NF2: variants seen among roughly 807,000 people sequenced by gnomAD.
NF2 encodes the protein NF2, moesin-ezrin-radixin like (MERLIN) tumor suppressor.
Under a neutral mutation model 83.7 loss-of-function variants are expected in NF2, and 8 were observed. The observed-to-expected ratio is 0.10, with a 90% CI of 0.06 to 0.17. The LOEUF (loss-of-function observed/expected upper bound fraction) is 0.17, where lower values mean the gene tolerates loss of function less well. NF2 is among the 10% of genes least tolerant of loss of function. The pLI is 1.00. For missense variants in NF2, 533 were observed against 744.4 expected (o/e 0.72, Z 3.31); for synonymous variants, 266 against 269.6 (o/e 0.99, Z 0.13).
chr22:29,648,256 T>C (rs1026920449), intron 4 of NF2, among the ~76,000 whole-genome samples: 2 of 151,604 alleles, frequency 1.3e-5, no homozygotes, highest in African/African-American at 4.8e-5. Context: ...AAATCTTAAG[T>C]TGATAAAAAG....
chr22:29,664,958 G>T, intron 8 of NF2, 32 bp from the exon 9 acceptor site: 2 of 1,508,822 alleles, frequency 1.3e-6, no homozygotes, highest in South Asian at 2.3e-5. Flanking sequence ...CAGGCTGTCG[G>T]ACTGAAACTG....
intron 1 of NF2, among the ~76,000 whole-genome samples, chr22:29,632,050 G>T (rs759599228): frequency 6.6e-6 from 1 of 152,224 alleles, no homozygotes. Context: ...TTGGGAGAAT[G>T]GAGAAAATGG....
At chr22:29,668,576 G>C (rs1024422125) in intron 10 of NF2, 130 bp downstream of exon 10, 6 of 711,996 alleles carry the variant, frequency 8.4e-6, no homozygotes, top group African/African-American at 3.5e-5. Context: ...TATACCTTTT[G>C]GATCTTCATT....
chr22:29,629,341 A>G (rs2065449916), intron 1 of NF2, among the ~76,000 whole-genome samples: 1 of 152,214 alleles, frequency 6.6e-6, no homozygotes, highest in African/African-American at 2.4e-5. Flanking sequence ...CTTACTGTAC[A>G]GTAAAATTAC....
chr22:29,628,627 C>CTTTT (rs5844863), intron 1 of NF2, among the ~76,000 whole-genome samples: 13 of 69,212 alleles, frequency 1.9e-4, no homozygotes, highest in African/African-American at 5.0e-4. Context: ...TTTGTGACAT[C>CTTTT]TTTTTTTTTT....
intron 1 of NF2, chr22:29,608,834 A>G (rs1601526245): frequency 7.9e-6 from 3 of 381,626 alleles, no homozygotes; most frequent in South Asian, 7.6e-5. Context: ...GACCTATAAC[A>G]AGTAAAGATA....
At chr22:29,654,555 T>C in intron 4 of NF2, 102 bp from the exon 5 acceptor site, 1 of 946,588 alleles carries the variant, frequency 1.1e-6, no homozygotes, top group Non-Finnish European at 1.7e-6. Context: ...GGAATTGAAT[T>C]GCTCCCTGGA....
intron 1 of NF2, among the ~76,000 whole-genome samples, chr22:29,613,183 A>G (rs1021440537): frequency 6.6e-6 from 1 of 152,184 alleles, no homozygotes; most frequent in Non-Finnish European, 1.5e-5. Context: ...GAAAAAGAAC[A>G]AAGCAGAAAG....
intron 1 of NF2, among the ~76,000 whole-genome samples, chr22:29,608,702 A>G (rs982649933): frequency 6.6e-6 from 1 of 151,902 alleles, no homozygotes; most frequent in Non-Finnish European, 1.5e-5. Context: ...TGTGAAACAC[A>G]TACAAAAAAA....
intron 2 of NF2, among the ~76,000 whole-genome samples, chr22:29,638,678 TA>T (rs1231099609): frequency 2.6e-5 from 4 of 152,106 alleles, no homozygotes; most frequent in Non-Finnish European, 5.9e-5. Context: ...ATCACGGACC[TA>T]AATATTGGCA....
At chr22:29,674,607 C>T (rs1206915434) in intron 12 of NF2, among the ~76,000 whole-genome samples, 1 of 152,220 alleles carries the variant, frequency 6.6e-6, no homozygotes, top group Non-Finnish European at 1.5e-5. Context: ...CACCAGTTTT[C>T]CTGCTCTTCC....
At chr22:29,644,318 C>A (rs1388686326) in intron 4 of NF2, among the ~76,000 whole-genome samples, 2 of 136,024 alleles carry the variant, frequency 1.5e-5, no homozygotes, top group East Asian at 2.2e-4. Context: ...ACATCCCAGA[C>A]GATGGGCGGC....
At position 29,674,976 on chromosome 22, in the gene NF2, G is replaced by T. The variant is rs1370078331; in HGVS notation, c.1446+35G>T. 2.0e-6 allele frequency: 3 copies of T among 1,525,508 alleles called. No homozygotes were observed. The Admixed American group carries it at 5.9e-5, about 30-fold the overall frequency. The allele number at this position is 1,525,508 out of a possible 1,614,324, so 94.5% of individuals were successfully genotyped here. ...GGGGCCACCAGCTGGGGCTGCCTTA[G>T]TCCTGGTGATGTTCTCTTTCCTCCC... On this transcript the variant is annotated intron_variant, in intron 13 of 15. Transcript: ENST00000338641.
intron 15 of NF2, among the ~76,000 whole-genome samples, chr22:29,693,456 T>C (rs2067459150): frequency 6.6e-6 from 1 of 152,232 alleles, no homozygotes; most frequent in African/African-American, 2.4e-5. Flanking sequence ...GCTGTCTGTC[T>C]TCTGATGGTG....
intron 14 of NF2, 107 bp downstream of exon 14, chr22:29,678,430 T>G: frequency 7.4e-7 from 1 of 1,344,122 alleles, no homozygotes; most frequent in Non-Finnish European, 1.1e-6. Context: ...CAGCCTGTCA[T>G]TACTCCTGCA....
chr22:29,628,220 A>G (rs2065419000), intron 1 of NF2, among the ~76,000 whole-genome samples: 1 of 151,336 alleles, frequency 6.6e-6, no homozygotes. Flanking sequence ...TGATCTGCAG[A>G]ACTGGAGGAA....
intron 1 of NF2, among the ~76,000 whole-genome samples, chr22:29,626,153 C>CTTTT (rs34704204): frequency 1.6e-5 from 2 of 128,238 alleles, no homozygotes; most frequent in African/African-American, 2.8e-5. Context: ...CATCTGCAGA[C>CTTTT]TTTTTTTTTT....
Position 29,630,959 on chromosome 22 carries a change from T to G in NF2, c.115-5792T>G, listed in dbSNP as rs1040470770. Among the ~76,000 whole-genome samples, 31 of 152,290 alleles carry G rather than the reference T, an allele frequency of 2.0e-4. 1 individual carries two copies. Among genetic ancestry groups the G allele is most frequent in the East Asian group, 1.7e-3 (9 of 5,182 alleles). ...ATCAGTTATCCAAAAAGAACATTTT[T>G]TAACCAGAAAATAAACATGAGACTC... On this transcript the variant is annotated intron_variant, in intron 1 of 15. Transcript: ENST00000338641.
chr22:29,658,580 A>AAC (rs2066383262), intron 7 of NF2, among the ~76,000 whole-genome samples: 1 of 151,940 alleles, frequency 6.6e-6, no homozygotes, highest in Admixed American at 6.6e-5. Context: ...GTCCACAGGG[A>AAC]GCACTTGTAA....
Sources: allele counts gnomAD v4.1 joint callset (sites outside exome capture counted in the v4.1 genomes callset), GRCh38; gene constraint gnomAD v4.1.1; transcripts MANE v1.5; gene names NCBI Gene and HGNC (gene_info 2026-07-23, HGNC 2026-07-21).